Variants in SNX18 observed in about 807,000 individuals in gnomAD.
SNX18 encodes the protein sorting nexin 18.
Under a neutral mutation model 48.7 loss-of-function variants are expected in SNX18, and 35 were observed. That is an observed-to-expected ratio of 0.72 (90% CI 0.55 to 0.95). SNX18 has a LOEUF of 0.95. Ranked by LOEUF, SNX18 falls within the 40% of genes least tolerant of loss-of-function variation. The pLI is 0.00. For synonymous variants in SNX18, 492 were observed against 384.7 expected (o/e 1.28, Z -3.26); for missense variants, 824 against 871.0 (o/e 0.95, Z 0.68).
chr5:54,583,052 G>T, the SNX18 span, among the ~76,000 whole-genome samples: 2 of 152,308 alleles, frequency 1.3e-5, no homozygotes, highest in African/African-American at 4.8e-5. Context: ...CATTGGAAAT[G>T]TCCTTGTATT....
chr5:54,563,801 T>C, the SNX18 span, among the ~76,000 whole-genome samples: 1 of 152,288 alleles, frequency 6.6e-6, no homozygotes, highest in East Asian at 1.9e-4. Context: ...TCCCCTTCTA[T>C]TTGAAATAGC....
chr5:54,640,491 G>A, the SNX18 span, among the ~76,000 whole-genome samples: 3 of 152,140 alleles, frequency 2.0e-5, no homozygotes, highest in Admixed American at 6.6e-5. Flanking sequence ...CTAAATTGCT[G>A]GGATTACAAG....
the SNX18 span, among the ~76,000 whole-genome samples, chr5:54,635,566 T>C: frequency 6.6e-6 from 1 of 152,190 alleles, no homozygotes; most frequent in Non-Finnish European, 1.5e-5. Context: ...CCTCATCATG[T>C]TGGTCCCAGC....
the SNX18 span, among the ~76,000 whole-genome samples, chr5:54,619,137 G>A: frequency 6.6e-6 from 1 of 152,084 alleles, no homozygotes; most frequent in African/African-American, 2.4e-5. Context: ...GAAAGCAGAG[G>A]TGAAAGGAAG....
At chr5:54,546,937 G>A (rs940763928), downstream of SNX18, among the ~76,000 whole-genome samples, 1 of 152,210 alleles carries the variant, frequency 6.6e-6, no homozygotes, top group Admixed American at 6.5e-5. Context: ...CCATAAATAG[G>A]CGAACTCCAA....
chr5:54,613,653 A>T, the SNX18 span, among the ~76,000 whole-genome samples: 1 of 152,198 alleles, frequency 6.6e-6, no homozygotes, highest in African/African-American at 2.4e-5. Context: ...TGAAAGTGTG[A>T]ACTTCTTGTT....
chr5:54,608,579 A>C, the SNX18 span, among the ~76,000 whole-genome samples: 3 of 152,148 alleles, frequency 2.0e-5, no homozygotes, highest in Non-Finnish European at 2.9e-5. Context: ...TTGTGTACTG[A>C]CAAGTACTTA....
At chr5:54,641,919 C>T in the SNX18 span, among the ~76,000 whole-genome samples, 2 of 152,086 alleles carry the variant, frequency 1.3e-5, no homozygotes, top group Admixed American at 1.3e-4. Flanking sequence ...TCTTTCAAAA[C>T]GATTGGTGGC....
the SNX18 span, among the ~76,000 whole-genome samples, chr5:54,559,782 A>G: frequency 1.3e-5 from 2 of 152,200 alleles, no homozygotes; most frequent in African/African-American, 4.8e-5. Flanking sequence ...CAGCCTACAG[A>G]AAGGGAGAAA....
chr5:54,624,189 A>G, the SNX18 span, among the ~76,000 whole-genome samples: 2 of 152,222 alleles, frequency 1.3e-5, no homozygotes, highest in African/African-American at 2.4e-5. Flanking sequence ...TATAGTATCA[A>G]TCATATACCA....
At chr5:54,608,032 C>T in the SNX18 span, among the ~76,000 whole-genome samples, 2 of 152,106 alleles carry the variant, frequency 1.3e-5, no homozygotes, top group Admixed American at 6.5e-5. Flanking sequence ...TGATTAAATG[C>T]CCAGGAGTTC....
At chr5:54,569,905 A>G in the SNX18 span, among the ~76,000 whole-genome samples, 3 of 152,186 alleles carry the variant, frequency 2.0e-5, no homozygotes, top group Non-Finnish European at 2.9e-5. Flanking sequence ...AGGAGTACCA[A>G]AGGACTTTCA....
chr5:54,617,567 C>T, the SNX18 span, among the ~76,000 whole-genome samples: 5 of 152,016 alleles, frequency 3.3e-5, no homozygotes, highest in Non-Finnish European at 5.9e-5. Flanking sequence ...TGGAGAGAGG[C>T]GTGCTAAAGA....
the SNX18 span, among the ~76,000 whole-genome samples, chr5:54,562,441 T>A: frequency 1.3e-5 from 2 of 152,186 alleles, no homozygotes; most frequent in Non-Finnish European, 2.9e-5. Flanking sequence ...AATGCACAGT[T>A]ATGCACCAAA....
the SNX18 span, among the ~76,000 whole-genome samples, chr5:54,583,368 G>T: frequency 1.3e-5 from 2 of 152,244 alleles, no homozygotes; most frequent in African/African-American, 4.8e-5. Flanking sequence ...GAGCATGGAA[G>T]TTGGGCTCAT....
the SNX18 span, among the ~76,000 whole-genome samples, chr5:54,637,927 G>A: frequency 1.8e-4 from 27 of 152,114 alleles, no homozygotes; most frequent in East Asian, 3.3e-3. Context: ...CAGGAAACCC[G>A]GGCTGCTCTC....
the SNX18 span, among the ~76,000 whole-genome samples, chr5:54,619,585 A>G: frequency 6.6e-6 from 1 of 152,194 alleles, no homozygotes; most frequent in Admixed American, 6.5e-5. Context: ...ATACACTTTG[A>G]ATACACTATC....
At chr5:54,527,521 CAG>C (rs2112843964) in intron 1 of SNX18, among the ~76,000 whole-genome samples, 1 of 152,312 alleles carries the variant, frequency 6.6e-6, no homozygotes, top group South Asian at 2.1e-4. Flanking sequence ...ATTGTCAGAA[CAG>C]GGGTGGGGAG....
the SNX18 span, chr5:54,645,456 A>T: frequency 6.6e-5 from 10 of 152,360 alleles, no homozygotes; most frequent in Non-Finnish European, 1.2e-4. Flanking sequence ...TGGGCTAGGG[A>T]GTAAGTTAGA....
Sources: gnomAD v4.1 joint callset for allele counts (sites outside exome capture counted in the v4.1 genomes callset) on GRCh38, gnomAD v4.1.1 for gene constraint, MANE v1.5 for transcripts, NCBI Gene and HGNC (gene_info 2026-07-23, HGNC 2026-07-21) for gene names.